GNAO1: variants seen among roughly 807,000 people sequenced by gnomAD.
GNAO1 encodes the protein guanine nucleotide-binding protein G(o) subunit alpha.
For synonymous variants in GNAO1, 164 were observed against 180.7 expected, an observed-to-expected ratio of 0.91 and a Z score of 0.74; for missense variants, 166 against 478.7, an observed-to-expected ratio of 0.35 and a Z score of 6.10.
At chr16:56,243,482 A>C (rs1234999679) in intron 2 of GNAO1, among the ~76,000 whole-genome samples, 1 of 152,250 alleles carries the variant, frequency 6.6e-6, no homozygotes, top group Non-Finnish European at 1.5e-5. Flanking sequence ...TAATAAAAAA[A>C]CAACCTAACT....
At chr16:56,213,978 G>A (rs926262697) in intron 2 of GNAO1, among the ~76,000 whole-genome samples, 4 of 152,058 alleles carry the variant, frequency 2.6e-5, no homozygotes, top group African/African-American at 4.8e-5. Flanking sequence ...GTGTTATTCC[G>A]CTGCCAGGCC....
intron 6 of GNAO1, among the ~76,000 whole-genome samples, chr16:56,338,262 C>G (rs2143668987): frequency 6.6e-6 from 1 of 152,312 alleles, no homozygotes; most frequent in East Asian, 1.9e-4. Flanking sequence ...TCAGGCCCAC[C>G]TGTACCCCTG....
intron 2 of GNAO1, among the ~76,000 whole-genome samples, chr16:56,232,042 A>G (rs2036593121): frequency 6.6e-6 from 1 of 152,200 alleles, no homozygotes; most frequent in Non-Finnish European, 1.5e-5. Context: ...CAGATGGGCA[A>G]GTGGGACTGA....
intron 1 of GNAO1, 66 bp from the exon 2 acceptor site, chr16:56,192,508 C>T: frequency 3.5e-6 from 3 of 858,992 alleles, no homozygotes; most frequent in African/African-American, 1.7e-5. Flanking sequence ...TGCCTTAGTC[C>T]CCCCCTCCCC....
chr16:56,282,661 G>T (rs1485392930), intron 3 of GNAO1, among the ~76,000 whole-genome samples: 4 of 152,194 alleles, frequency 2.6e-5, no homozygotes, highest in African/African-American at 7.2e-5. Context: ...TTCCTCAATG[G>T]CCCTACAAGC....
chr16:56,301,857 C>T (rs1314170248), intron 3 of GNAO1: 3 of 152,108 alleles, frequency 2.0e-5, no homozygotes, highest in Non-Finnish European at 4.4e-5. Context: ...AGAACTCAGC[C>T]GTCTGTGAGG....
chr16:56,240,399 C>T (rs1453642308), intron 2 of GNAO1, among the ~76,000 whole-genome samples: 1 of 152,138 alleles, frequency 6.6e-6, no homozygotes, highest in Admixed American at 6.5e-5. Flanking sequence ...GCTGGGGAGG[C>T]AGTGTGAACA....
At chr16:56,353,987 A>C (rs1216936979) in intron 7 of GNAO1, among the ~76,000 whole-genome samples, 1 of 152,230 alleles carries the variant, frequency 6.6e-6, no homozygotes. Context: ...GGGGACATCA[A>C]TGCCCCAATG....
At chr16:56,256,740 G>C (rs1354528688) in intron 2 of GNAO1, among the ~76,000 whole-genome samples, 33 of 151,414 alleles carry the variant, frequency 2.2e-4, no homozygotes, top group African/African-American at 8.0e-4. Flanking sequence ...GTGTGTGTGT[G>C]TGTGTGTGTG....
chr16:56,248,127 C>T (rs2036766437), intron 2 of GNAO1, among the ~76,000 whole-genome samples: 1 of 152,210 alleles, frequency 6.6e-6, no homozygotes, highest in African/African-American at 2.4e-5. Context: ...AAAGCATGCA[C>T]AATTCTTTGA....
chr16:56,344,711 G>A, intron 6 of GNAO1: 1 of 985,636 alleles, frequency 1.0e-6, no homozygotes, highest in Non-Finnish European at 1.2e-6. Context: ...CTGGGCTGGG[G>A]CCTCCCGCCC....
rs961137237 is a variant in GNAO1, at chr16:56,356,389, C to T, written c.*315C>T. On this transcript the variant is annotated 3_prime_UTR_variant, in exon 9 of 9. Transcript: ENST00000262493. The stretch of plus-strand genomic sequence containing the variant: ...TCTTTTTCTTGCAAAACAAACATAC[C>T]CATCTGCACCGACGCCTGCCCCCGT... The T allele has an allele frequency of 6.6e-6, 1 of 152,560 alleles. No homozygotes were observed. Among genetic ancestry groups the T allele is most frequent in the Non-Finnish European group, 1.5e-5 (1 of 68,042 alleles). The allele number at this position is 152,560 out of a possible 1,614,324, so 9.5% of individuals were successfully genotyped here. A position where few individuals can be genotyped will look rare whatever the true frequency, so the allele number is the denominator to read the frequency against.
At chr16:56,344,820 C>G (rs2037846931) in intron 6 of GNAO1, 1 of 985,164 alleles carries the variant, frequency 1.0e-6, no homozygotes, top group Admixed American at 6.1e-5. Flanking sequence ...TTCCTTCAGT[C>G]CACACTGAAT....
rs538212688 is a variant in GNAO1 at position 56,249,812 on chromosome 16, C to T, written c.162-26119C>T. On this transcript the variant is annotated intron_variant, in intron 2 of 8. Coordinates refer to ENST00000262493, the MANE Select transcript of GNAO1 (RefSeq NM_020988.3). ...CCTAAATCAAGGGAAATGACAGGGTCGAGCCTCTCCCTATTTTAGAAGCCC... is the reference window on the plus strand; with the variant it reads ...CCTAAATCAAGGGAAATGACAGGGTTGAGCCTCTCCCTATTTTAGAAGCCC... Among the ~76,000 whole-genome samples, 10 of 152,264 alleles carry T rather than the reference C, an allele frequency of 6.6e-5. No homozygotes were observed. In the South Asian group the frequency reaches 1.9e-3, roughly 28 times the overall value.
Position 56,355,125 on chromosome 16 carries a change from T to TACACACACACACACACACAC in GNAO1, c.*28+55_*28+74dup, listed in dbSNP as rs59437828. ...ACAGAACAGCTTGCGTGCGCGCGCATACACACACACACACACACACACACA... is the reference window on the plus strand; with the variant it reads ...ACAGAACAGCTTGCGTGCGCGCGCATACACACACACACACACACACACACACACACACACACACACACACA... On this transcript the variant is annotated intron_variant, in intron 8 of 8. Transcript: ENST00000262493. 8.1e-5 allele frequency: 45 copies of TACACACACACACACACACAC among 556,382 alleles called. 2 individuals are homozygous for TACACACACACACACACACAC. In the South Asian group the frequency reaches 1.0e-3, roughly 12 times the overall value. The allele number at this position is 556,382 out of a possible 1,614,324, so 34.5% of individuals were successfully genotyped here. A position where few individuals can be genotyped will look rare whatever the true frequency, so the allele number is the denominator to read the frequency against.
At chr16:56,269,279 C>A (rs1035562323) in intron 2 of GNAO1, among the ~76,000 whole-genome samples, 2 of 152,032 alleles carry the variant, frequency 1.3e-5, no homozygotes, top group Admixed American at 6.5e-5. Context: ...GCTTGTTAAC[C>A]CTTGCTGCTG....
At chr16:56,250,463 C>A (rs1250134009) in intron 2 of GNAO1, among the ~76,000 whole-genome samples, 1 of 152,130 alleles carries the variant, frequency 6.6e-6, no homozygotes. Context: ...GTGCTGATGC[C>A]AGGTTTAGTT....
intron 3 of GNAO1, among the ~76,000 whole-genome samples, chr16:56,327,998 G>A (rs2037652498): frequency 6.6e-6 from 1 of 152,184 alleles, no homozygotes; most frequent in African/African-American, 2.4e-5. Flanking sequence ...GAGATTTAGT[G>A]TTGGCATGAG....
intron 4 of GNAO1, among the ~76,000 whole-genome samples, chr16:56,334,319 G>A (rs748459422): frequency 6.6e-6 from 1 of 152,226 alleles, no homozygotes; most frequent in African/African-American, 2.4e-5. Context: ...TACCTTCGAT[G>A]AGCCCCAGTT....
Sources: gnomAD v4.1 joint callset for allele counts (sites outside exome capture counted in the v4.1 genomes callset) on GRCh38, gnomAD v4.1.1 for gene constraint, MANE v1.5 for transcripts, NCBI Gene and HGNC (gene_info 2026-07-23, HGNC 2026-07-21) for gene names.